Variants in SIPA1L3 observed in about 807,000 individuals in gnomAD.
The protein encoded by SIPA1L3 is signal-induced proliferation-associated 1-like protein 3.
Under a neutral mutation model 150.1 loss-of-function variants are expected in SIPA1L3, and 59 were observed. That is an observed-to-expected ratio of 0.39 (90% CI 0.32 to 0.49). SIPA1L3 has a LOEUF of 0.49. Ranked by LOEUF, SIPA1L3 falls within the 20% of genes least tolerant of loss-of-function variation. The pLI, the probability that SIPA1L3 is intolerant of heterozygous loss-of-function variation, is 0.86. For missense variants in SIPA1L3, 2,211 were observed against 2,489.5 expected (o/e 0.89, Z 2.38); for synonymous variants, 1,070 against 1,077.6 (o/e 0.99, Z 0.14).
intron 1 of SIPA1L3, among the ~76,000 whole-genome samples, chr19:37,923,854 G>C (rs2046478057): frequency 6.6e-6 from 1 of 151,840 alleles, no homozygotes; most frequent in Non-Finnish European, 1.5e-5. Flanking sequence ...CTGCCTCTCG[G>C]GTTCAAGCGA....
At chr19:37,927,962 G>A (rs2046521375) in intron 1 of SIPA1L3, among the ~76,000 whole-genome samples, 2 of 152,120 alleles carry the variant, frequency 1.3e-5, no homozygotes, top group Admixed American at 6.5e-5. Flanking sequence ...GGGCATCCGG[G>A]TTGATTCCCT....
At chr19:38,137,654 A>G (rs1462259061) in intron 10 of SIPA1L3, among the ~76,000 whole-genome samples, 6 of 151,948 alleles carry the variant, frequency 3.9e-5, no homozygotes, top group Non-Finnish European at 7.4e-5. Flanking sequence ...TTTAATTATT[A>G]TTTAGTTATT....
chr19:37,945,513 A>G (rs1307933832), intron 1 of SIPA1L3, among the ~76,000 whole-genome samples: 1 of 152,130 alleles, frequency 6.6e-6, no homozygotes, highest in African/African-American at 2.4e-5. Context: ...CTAGAATTAC[A>G]GGTGTGAGCC....
rs1019588383 is a variant in SIPA1L3, at chr19:38,166,465, AAAAAG to A, written c.4208+1575_4208+1579del. On this transcript the variant is annotated intron_variant, in intron 15 of 21. Transcript: ENST00000222345. ...AGCAAGACTCTGTCTCAAAAAAAAA[AAAAAG>A]AAAAGAAAAGAAAAGCAGGAATTGG... 2.2e-4 allele frequency among the ~76,000 whole-genome samples: 33 copies of A among 152,080 alleles called. 1 individual carries two copies. Among genetic ancestry groups the A allele is most frequent in the South Asian group, 1.0e-3 (5 of 4,816 alleles).
At chr19:37,969,887 A>G (rs1374922401) in intron 1 of SIPA1L3, among the ~76,000 whole-genome samples, 1 of 152,190 alleles carries the variant, frequency 6.6e-6, no homozygotes, top group Non-Finnish European at 1.5e-5. Context: ...CATAGCAGTT[A>G]TCATAATATT....
intron 1 of SIPA1L3, among the ~76,000 whole-genome samples, chr19:37,944,276 T>C (rs1379149780): frequency 2.1e-5 from 3 of 144,670 alleles, no homozygotes; most frequent in African/African-American, 7.7e-5. Context: ...AGACTCCGTC[T>C]CAAAAAAAAA....
At chr19:38,124,882 A>G (rs1405273031) in intron 9 of SIPA1L3, among the ~76,000 whole-genome samples, 3 of 152,136 alleles carry the variant, frequency 2.0e-5, no homozygotes, top group Admixed American at 1.3e-4. Context: ...CGCGCCTGCA[A>G]TCGCAGGCAC....
At chr19:38,128,635 G>A (rs1971233282) in intron 9 of SIPA1L3, among the ~76,000 whole-genome samples, 2 of 144,616 alleles carry the variant, frequency 1.4e-5, no homozygotes, top group South Asian at 4.1e-4. Flanking sequence ...AGTGGCTCAC[G>A]CCTGTAATCC....
In SIPA1L3 at chr19:38,206,228, G is replaced by T. The variant is rs1973208296; in HGVS notation, c.5334G>T (p.Lys1778Asn). The change falls in exon 22 of 22, where the codon AAG (lysine) becomes AAT (asparagine). Residue 1778 changes from lysine to asparagine, a missense_variant. This residue lies in a region of SIPA1L3 where 63 missense variants were observed against 106.1 expected (regional missense o/e 0.59). Transcript: ENST00000222345. ...RKFAEIFCRE[K>N]KEL ...TTGCGGAGATCTTCTGCAGGGAGAA[G>T]AAGGAGCTCTGAGGTGGGAGGCCGC... 4 of 1,558,510 alleles carry T rather than the reference G, an allele frequency of 2.6e-6. No homozygotes were observed. Among genetic ancestry groups the T allele is most frequent in the Non-Finnish European group, 3.5e-6 (4 of 1,150,114 alleles).
chr19:38,190,484 G>T (rs1972783816), intron 16 of SIPA1L3, among the ~76,000 whole-genome samples: 1 of 152,130 alleles, frequency 6.6e-6, no homozygotes, highest in Non-Finnish European at 1.5e-5. Flanking sequence ...AATATGACCT[G>T]ACCAGGAAAA....
At chr19:38,100,960 C>G in intron 5 of SIPA1L3, 92 bp from the exon 6 acceptor site, 1 of 1,392,468 alleles carries the variant, frequency 7.2e-7, no homozygotes. Flanking sequence ...CCAGCAGCTC[C>G]CAGGGCCTCA....
At chr19:38,148,470 A>G (rs1248910474) in intron 12 of SIPA1L3, among the ~76,000 whole-genome samples, 1 of 152,082 alleles carries the variant, frequency 6.6e-6, no homozygotes, top group African/African-American at 2.4e-5. Flanking sequence ...AAGTCACGAG[A>G]CAGAGGGCTG....
At chr19:37,925,697 G>A (rs1444011296) in intron 1 of SIPA1L3, among the ~76,000 whole-genome samples, 1 of 148,730 alleles carries the variant, frequency 6.7e-6, no homozygotes, top group Non-Finnish European at 1.5e-5. Flanking sequence ...AGGTTCAAGC[G>A]ATTCTCCTGC....
At chr19:38,146,793 T>G (rs1971710650) in intron 12 of SIPA1L3, among the ~76,000 whole-genome samples, 1 of 152,210 alleles carries the variant, frequency 6.6e-6, no homozygotes, top group South Asian at 2.1e-4. Flanking sequence ...TGATTTTAAT[T>G]TGCATGTTCC....
At chr19:38,139,841 C>T (rs1971530175) in intron 10 of SIPA1L3, among the ~76,000 whole-genome samples, 2 of 152,174 alleles carry the variant, frequency 1.3e-5, no homozygotes, top group Non-Finnish European at 2.9e-5. Flanking sequence ...GCCTTGAATG[C>T]TGTGACCTCT....
At chr19:38,010,851 A>G (rs1968080475) in intron 1 of SIPA1L3, among the ~76,000 whole-genome samples, 1 of 152,192 alleles carries the variant, frequency 6.6e-6, no homozygotes, top group Non-Finnish European at 1.5e-5. Context: ...ATATAGGGGT[A>G]ATAATAACAC....
intron 2 of SIPA1L3, among the ~76,000 whole-genome samples, chr19:38,065,736 A>G (rs1199432653): frequency 6.6e-6 from 1 of 151,984 alleles, no homozygotes; most frequent in African/African-American, 2.4e-5. Context: ...ACTTCACACC[A>G]TGCTTGGCGT....
At chr19:38,002,509 C>T (rs1008936836) in intron 1 of SIPA1L3, among the ~76,000 whole-genome samples, 21 of 150,380 alleles carry the variant, frequency 1.4e-4, no homozygotes, top group South Asian at 4.2e-4. Flanking sequence ...CTGAGGCGGG[C>T]GGATCACAAG....
chr19:38,089,132 C>T (rs1369745526), intron 4 of SIPA1L3, among the ~76,000 whole-genome samples: 1 of 151,962 alleles, frequency 6.6e-6, no homozygotes, highest in African/African-American at 2.4e-5. Flanking sequence ...CCAGCCTGAC[C>T]AACATGGCGA....
Sources: gnomAD v4.1 joint callset for allele counts (sites outside exome capture counted in the v4.1 genomes callset) on GRCh38, gnomAD v4.1.1 for gene constraint, gnomAD v4.1.1 regional missense constraint, MANE v1.5 for transcripts, NCBI Gene and HGNC (gene_info 2026-07-23, HGNC 2026-07-21) for gene names.